Variants in FGF12 observed in about 807,000 individuals in gnomAD.
FGF12 encodes the protein fibroblast growth factor 12B.
A neutral mutation model predicts 23.6 loss-of-function variants in FGF12; 14 were observed. The observed-to-expected ratio is 0.59, with a 90% CI of 0.39 to 0.93. The LOEUF (loss-of-function observed/expected upper bound fraction) is 0.93, where lower values mean the gene tolerates loss of function less well. FGF12 is among the 40% of genes least tolerant of loss of function. The pLI is 0.00. For synonymous variants in FGF12, 62 were observed against 77.3 expected (o/e 0.80, Z 1.04); for missense variants, 175 against 217.8 (o/e 0.80, Z 1.24).
chr3:192,147,545 G>A (rs927337102), intron 5 of FGF12, among the ~76,000 whole-genome samples: 5 of 152,174 alleles, frequency 3.3e-5, no homozygotes, highest in Non-Finnish European at 7.4e-5. Flanking sequence ...TCACCATGAT[G>A]TATATAGCAG....
At chr3:192,558,379 G>C (rs182282334) in intron 2 of FGF12, among the ~76,000 whole-genome samples, 4 of 151,454 alleles carry the variant, frequency 2.6e-5, no homozygotes, top group Admixed American at 6.6e-5. Context: ...AACTGAAGAG[G>C]TAAAAAATTT....
intron 5 of FGF12, among the ~76,000 whole-genome samples, chr3:192,167,748 TATATATATATATATATATATAAA>T (rs1391578152): frequency 3.9e-5 from 1 of 25,492 alleles, no homozygotes; most frequent in African/African-American, 1.9e-4. Flanking sequence ...TATATATATA[TATATATATATATATATATATAAA>T]ATTTTTTTTT....
At chr3:192,373,791 C>G (rs9875354) in intron 2 of FGF12, among the ~76,000 whole-genome samples, 1 of 151,884 alleles carries the variant, frequency 6.6e-6, no homozygotes, top group Admixed American at 6.6e-5. Flanking sequence ...AGAAATGAAC[C>G]AGTGTTTTCA....
At chr3:192,231,230 AC>A (rs1175655066) in intron 4 of FGF12, among the ~76,000 whole-genome samples, 2 of 152,156 alleles carry the variant, frequency 1.3e-5, no homozygotes, top group Non-Finnish European at 2.9e-5. Context: ...TGCTGAACAA[AC>A]CTTAAAATGC....
At position 192,228,971 on chromosome 3, in the gene FGF12, A is replaced by G. The variant is rs552815230; in HGVS notation, c.229-58315T>C. 3.9e-5 allele frequency among the ~76,000 whole-genome samples: 6 copies of G among 152,184 alleles called. No individual in the cohort carries two copies. The East Asian group carries it at 1.2e-3, about 29-fold the overall frequency. ...TCCTCACAATAATTTTCCGAGTTAC[A>G]TATGTAGCATAATCCTCATGTTACA... On this transcript the variant is annotated intron_variant, in intron 4 of 5. Transcript: ENST00000445105.
intron 2 of FGF12, among the ~76,000 whole-genome samples, chr3:192,659,132 T>A (rs1396876507): frequency 6.6e-6 from 1 of 152,186 alleles, no homozygotes; most frequent in Non-Finnish European, 1.5e-5. Flanking sequence ...ACAATGGACA[T>A]CATCTATTCT....
chr3:192,187,061 G>A (rs1716511126), intron 4 of FGF12, among the ~76,000 whole-genome samples: 1 of 152,154 alleles, frequency 6.6e-6, no homozygotes, highest in South Asian at 2.1e-4. Context: ...CTCTTAACTT[G>A]AAGCCAAGTA....
chr3:192,632,112 C>T (rs917870122), intron 2 of FGF12, among the ~76,000 whole-genome samples: 1 of 152,154 alleles, frequency 6.6e-6, no homozygotes, highest in African/African-American at 2.4e-5. Flanking sequence ...TGCATTTTCT[C>T]CTGGAATTCC....
At chr3:192,625,627 C>T (rs912986982) in intron 2 of FGF12, among the ~76,000 whole-genome samples, 2 of 151,840 alleles carry the variant, frequency 1.3e-5, no homozygotes, top group Non-Finnish European at 2.9e-5. Context: ...AAAAACTGAG[C>T]AAATACATAA....
At chr3:192,566,245 A>C (rs1712273493) in intron 2 of FGF12, among the ~76,000 whole-genome samples, 1 of 152,192 alleles carries the variant, frequency 6.6e-6, no homozygotes, top group Non-Finnish European at 1.5e-5. Context: ...TCAGTTTCAG[A>C]CTCAAGGAAT....
chr3:192,646,215 T>TCAAC (rs1156465494), intron 2 of FGF12, among the ~76,000 whole-genome samples: 1 of 151,296 alleles, frequency 6.6e-6, no homozygotes, highest in Non-Finnish European at 1.5e-5. Flanking sequence ...AGACACAATA[T>TCAAC]CAATCAATCA....
intron 2 of FGF12, among the ~76,000 whole-genome samples, chr3:192,607,473 G>A (rs1014312753): frequency 1.3e-5 from 2 of 152,152 alleles, no homozygotes; most frequent in Admixed American, 1.3e-4. Context: ...TAGAGCTTCT[G>A]TTAACTAGAG....
intron 2 of FGF12, among the ~76,000 whole-genome samples, chr3:192,422,664 T>C (rs1721569018): frequency 6.6e-6 from 1 of 152,162 alleles, no homozygotes; most frequent in Non-Finnish European, 1.5e-5. Context: ...TATCAACTTA[T>C]TATCACAACC....
intron 2 of FGF12, among the ~76,000 whole-genome samples, chr3:192,553,467 T>C (rs1711616487): frequency 1.3e-5 from 2 of 152,000 alleles, no homozygotes; most frequent in Admixed American, 1.3e-4. Context: ...CTGCTAAAAA[T>C]AAATAAAGCA....
intron 2 of FGF12, among the ~76,000 whole-genome samples, chr3:192,545,849 C>T (rs1725482404): frequency 6.6e-6 from 1 of 152,100 alleles, no homozygotes; most frequent in Admixed American, 6.5e-5. Context: ...GAGCTGTGGG[C>T]AAAGGACGTT....
chr3:192,599,382 T>C (rs1010886361), intron 2 of FGF12, among the ~76,000 whole-genome samples: 3 of 151,980 alleles, frequency 2.0e-5, no homozygotes, highest in Non-Finnish European at 4.4e-5. Flanking sequence ...TCTCTGAATC[T>C]CATTTTTGTA....
chr3:192,638,495 G>T (rs1715666146), intron 2 of FGF12, among the ~76,000 whole-genome samples: 1 of 152,180 alleles, frequency 6.6e-6, no homozygotes, highest in Non-Finnish European at 1.5e-5. Context: ...AATGTTACCT[G>T]TAGCTTCATG....
intron 4 of FGF12, among the ~76,000 whole-genome samples, chr3:192,284,618 A>C (rs1714343240): frequency 6.6e-6 from 1 of 152,066 alleles, no homozygotes; most frequent in Admixed American, 6.6e-5. Context: ...ACAGCCTTTT[A>C]TCTAGCATTC....
intron 4 of FGF12, among the ~76,000 whole-genome samples, chr3:192,189,989 A>G (rs892705201): frequency 1.3e-5 from 2 of 152,226 alleles, no homozygotes; most frequent in Non-Finnish European, 2.9e-5. Flanking sequence ...TAGAAGGTCA[A>G]GGTGGAATTG....
Sources: gnomAD v4.1 joint callset for allele counts (sites outside exome capture counted in the v4.1 genomes callset) on GRCh38, gnomAD v4.1.1 for gene constraint, MANE v1.5 for transcripts, NCBI Gene and HGNC (gene_info 2026-07-23, HGNC 2026-07-21) for gene names.